STK32B: variants seen among roughly 807,000 people sequenced by gnomAD.
STK32B encodes serine/threonine kinase 32B.
A neutral mutation model predicts 52.6 loss-of-function variants in STK32B; 43 were observed. The ratio of observed to expected loss-of-function variants is 0.82; its 90% confidence interval spans 0.64 to 1.05. The LOEUF is 1.05. Among genes scored for constraint, STK32B ranks in the 50% least tolerant of loss-of-function variants. The probability of loss-of-function intolerance (pLI) is 0.00; values close to 1 mark genes in which losing one functional copy is unlikely to be tolerated. For missense variants in STK32B, 621 were observed against 534.6 expected, an observed-to-expected ratio of 1.16 and a Z score of -1.59; for synonymous variants, 238 against 204.3, an observed-to-expected ratio of 1.17 and a Z score of -1.41.
At chr4:5,136,370 G>A (rs1057092035) in intron 1 of STK32B, among the ~76,000 whole-genome samples, 4 of 106,864 alleles carry the variant, frequency 3.7e-5, no homozygotes, top group African/African-American at 1.0e-4. Context: ...CACTTTTAGC[G>A]GTGTAACCCT....
the STK32B span, among the ~76,000 whole-genome samples, chr4:5,030,874 TG>T: frequency 6.1e-3 from 925 of 152,308 alleles, 13 homozygotes; most frequent in African/African-American, 0.021. Context: ...AATGTGTGTA[TG>T]TATAGACACA....
intron 5 of STK32B, among the ~76,000 whole-genome samples, chr4:5,411,491 A>AATAGCTACTTGCAT (rs1421511201): frequency 6.6e-6 from 1 of 152,248 alleles, no homozygotes; most frequent in Non-Finnish European, 1.5e-5. Flanking sequence ...TACAACTAAA[A>AATAGCTACTTGCAT]ATAGCTACTT....
At chr4:5,491,367 A>T (rs201153438) in intron 11 of STK32B, among the ~76,000 whole-genome samples, 1 of 152,108 alleles carries the variant, frequency 6.6e-6, no homozygotes, top group African/African-American at 2.4e-5. Flanking sequence ...TTGGCTGCAT[A>T]AATGTCTTCT....
intron 8 of STK32B, 150 bp downstream of exon 8, chr4:5,457,073 A>G: frequency 1.7e-6 from 1 of 572,130 alleles, no homozygotes; most frequent in Non-Finnish European, 2.9e-6. Flanking sequence ...ATGCCGTGGA[A>G]TAAACGCTGT....
intron 2 of STK32B, among the ~76,000 whole-genome samples, chr4:5,165,165 A>T (rs542764726): frequency 1.3e-5 from 2 of 152,254 alleles, no homozygotes; most frequent in South Asian, 4.2e-4. Context: ...CAGATGATGA[A>T]TGGATGCCAG....
At chr4:5,307,886 T>C (rs1730034292) in intron 3 of STK32B, among the ~76,000 whole-genome samples, 1 of 152,022 alleles carries the variant, frequency 6.6e-6, no homozygotes, top group Non-Finnish European at 1.5e-5. Flanking sequence ...ACTGCAGTGA[T>C]TGTTATTTCT....
intron 3 of STK32B, among the ~76,000 whole-genome samples, chr4:5,321,811 A>G (rs577720332): frequency 3.3e-5 from 5 of 152,078 alleles, no homozygotes; most frequent in Non-Finnish European, 7.4e-5. Context: ...TCCTGCCCCC[A>G]ACTGCCTCTG....
chr4:5,475,813 T>C (rs538209213), intron 11 of STK32B, among the ~76,000 whole-genome samples: 1 of 152,266 alleles, frequency 6.6e-6, no homozygotes, highest in African/African-American at 2.4e-5. Context: ...AAAGCTGTTA[T>C]GTGCCGTGTA....
In STK32B at chr4:5,451,703, A is replaced by G. The variant is rs1323429630; in HGVS notation, c.666+4927A>G. 5.3e-5 allele frequency among the ~76,000 whole-genome samples: 8 copies of G among 152,140 alleles called. No individual in the cohort carries two copies. In the East Asian group the frequency reaches 5.8e-4, roughly 11 times the overall value. On this transcript the variant is annotated intron_variant, in intron 7 of 11. Coordinates refer to ENST00000282908, the MANE Select transcript of STK32B (RefSeq NM_018401.3). ...CTGTGCATTGTTAGGATGTCCAGCAATATCACTGGCCTCCACCCATCAGAT... is the reference window on the plus strand; with the variant it reads ...CTGTGCATTGTTAGGATGTCCAGCAGTATCACTGGCCTCCACCCATCAGAT...
chr4:5,106,337 C>T (rs1714106568), intron 1 of STK32B, among the ~76,000 whole-genome samples: 2 of 152,062 alleles, frequency 1.3e-5, no homozygotes, highest in African/African-American at 2.4e-5. Context: ...AGAGGACATC[C>T]TTGTCTTGTT....
rs139001586 is a variant in STK32B, at chr4:5,361,715, A to G, written c.434+30322A>G. Reference sequence around the variant, plus strand: ...AATAAAGAGCTTAAACTGGACTAGAATTCTATAATAAAGAGCTTAAACTGC... The same window carrying G: ...AATAAAGAGCTTAAACTGGACTAGAGTTCTATAATAAAGAGCTTAAACTGC... On this transcript the variant is annotated intron_variant, in intron 4 of 11. Coordinates refer to ENST00000282908, the MANE Select transcript of STK32B (RefSeq NM_018401.3). Among the ~76,000 whole-genome samples, 1,049 of 152,362 alleles carry G rather than the reference A, an allele frequency of 6.9e-3. 6 individuals are homozygous for G. Among genetic ancestry groups the G allele is most frequent in the Middle Eastern group, 0.01 (3 of 294 alleles).
chr4:5,289,292 C>T (rs1016893929), intron 3 of STK32B, among the ~76,000 whole-genome samples: 1 of 152,100 alleles, frequency 6.6e-6, no homozygotes, highest in Non-Finnish European at 1.5e-5. Context: ...GTATAAGTTA[C>T]TTACCGTGAA....
Position 5,446,853 on chromosome 4 carries a change from G to C in STK32B, c.666+77G>C, listed in dbSNP as rs1050478769. 7 of 1,456,258 alleles carry C rather than the reference G, an allele frequency of 4.8e-6. No homozygotes were observed. The East Asian group carries it at 9.3e-5, about 19-fold the overall frequency. The allele number at this position is 1,456,258 out of a possible 1,614,324, so 90.2% of individuals were successfully genotyped here. On this transcript the variant is annotated intron_variant, in intron 7 of 11. Transcript: ENST00000282908. The stretch of plus-strand genomic sequence containing the variant: ...ACGTTGTACCTGGACGGGCAGAGTC[G>C]GCAGGGCCCGCGGTGCAGGAAGGAG...
chr4:5,498,939 T>G lies in STK32B; in HGVS notation c.1107-6T>G, dbSNP rs1394100368. 1 of 1,611,002 alleles carries G rather than the reference T, an allele frequency of 6.2e-7. No homozygotes were observed. Among genetic ancestry groups the G allele is most frequent in the Middle Eastern group, 1.7e-4 (1 of 6,032 alleles). On this transcript the variant is annotated splice_polypyrimidine_tract_variant and splice_region_variant and intron_variant, in intron 11 of 11. Transcript: ENST00000282908. ...ACCACTAACTCAGATCTGTGCTTGT[T>G]TGCAGGCTCAGGAGGCAGCAGGGAC...
At chr4:5,238,366 C>T (rs149131788) in intron 3 of STK32B, among the ~76,000 whole-genome samples, 3 of 152,176 alleles carry the variant, frequency 2.0e-5, no homozygotes, top group African/African-American at 7.2e-5. Flanking sequence ...TGTTTCTTCT[C>T]CTTTCTTCTT....
chr4:5,237,206 C>T (rs1413774274), intron 3 of STK32B, among the ~76,000 whole-genome samples: 1 of 152,208 alleles, frequency 6.6e-6, no homozygotes, highest in East Asian at 1.9e-4. Context: ...GCACCCATCC[C>T]TGAGCCACTC....
chr4:5,037,611 G>C, the STK32B span, among the ~76,000 whole-genome samples: 1 of 152,166 alleles, frequency 6.6e-6, no homozygotes, highest in South Asian at 2.1e-4. Flanking sequence ...GAGGGTGCCT[G>C]GAGGACTCTG....
chr4:5,321,603 C>G (rs891067323), intron 3 of STK32B, among the ~76,000 whole-genome samples: 2 of 152,188 alleles, frequency 1.3e-5, no homozygotes, highest in Non-Finnish European at 2.9e-5. Flanking sequence ...CTCTATCAGT[C>G]TTACCTGTCC....
intron 3 of STK32B, among the ~76,000 whole-genome samples, chr4:5,274,843 A>C (rs1158703981): frequency 6.6e-6 from 1 of 152,022 alleles, no homozygotes; most frequent in African/African-American, 2.4e-5. Context: ...GCTGACTTTC[A>C]TCCCTCCAGA....
Sources: gnomAD v4.1 joint callset for allele counts (sites outside exome capture counted in the v4.1 genomes callset) on GRCh38, gnomAD v4.1.1 for gene constraint, MANE v1.5 for transcripts, NCBI Gene and HGNC (gene_info 2026-07-23, HGNC 2026-07-21) for gene names.